C12orf50: variants seen among roughly 807,000 people sequenced by gnomAD.
C12orf50 encodes zinc finger CCCH-type containing 11D, also known as uncharacterized protein C12orf50.
C12orf50 carries 35 observed loss-of-function variants against 61.6 expected under a neutral mutation model. The observed-to-expected ratio is 0.57, with a 90% CI of 0.43 to 0.75. C12orf50 has a LOEUF of 0.75. Among genes scored for constraint, C12orf50 ranks in the 30% least tolerant of loss-of-function variants. The probability of loss-of-function intolerance (pLI) is 0.00; values close to 1 mark genes in which losing one functional copy is unlikely to be tolerated. For missense variants in C12orf50, 475 were observed against 488.5 expected (o/e 0.97, Z 0.26); for synonymous variants, 178 against 161.5 (o/e 1.10, Z -0.77).
chr12:87,991,831 A>G (rs2031136003), intron 7 of C12orf50, among the ~76,000 whole-genome samples: 1 of 152,210 alleles, frequency 6.6e-6, no homozygotes, highest in South Asian at 2.1e-4. Context: ...TGTTAATAAT[A>G]GTCCCAAACT....
chr12:87,998,472 T>C lies in C12orf50; in HGVS notation c.134-282A>G, dbSNP rs577648583. Among the ~76,000 whole-genome samples the C allele has an allele frequency of 1.7e-3, 260 of 152,202 alleles. 1 individual carries two copies. The highest frequency in any genetic ancestry group is 5.9e-3 in the African/African-American group (246 of 41,568). On this transcript the variant is annotated intron_variant, in intron 3 of 12. Transcript: ENST00000298699. ...TATTCTGAAAAAGATTCTGAAAATA[T>C]ATATATTGAAAAAGATTTTTATCTT...
intron 1 of C12orf50, chr12:88,028,023 A>C (rs1026447966): frequency 6.6e-6 from 1 of 152,218 alleles, no homozygotes; most frequent in Non-Finnish European, 1.5e-5. Flanking sequence ...TACTTAACTC[A>C]TACTCTCTGT....
At chr12:88,009,943 C>A (rs925109305) in intron 3 of C12orf50, among the ~76,000 whole-genome samples, 2 of 151,866 alleles carry the variant, frequency 1.3e-5, no homozygotes, top group African/African-American at 2.4e-5. Flanking sequence ...CAAATATTGG[C>A]CTTTTACATT....
intron 1 of C12orf50, 191 bp downstream of exon 1, chr12:88,029,149 G>GTTTTT: frequency 9.8e-7 from 1 of 1,022,838 alleles, no homozygotes; most frequent in Non-Finnish European, 1.3e-6. Context: ...TAATCCAATG[G>GTTTTT]TTTTTTTTTT....
At chr12:88,012,950 G>A (rs1046577186) in intron 3 of C12orf50, among the ~76,000 whole-genome samples, 6 of 152,200 alleles carry the variant, frequency 3.9e-5, no homozygotes, top group Middle Eastern at 3.4e-3. Context: ...TGTGGTCCCA[G>A]CTACTCAGGA....
intron 3 of C12orf50, among the ~76,000 whole-genome samples, chr12:88,005,604 A>G (rs543844184): frequency 3.0e-4 from 46 of 152,300 alleles, no homozygotes; most frequent in African/African-American, 1.1e-3. Context: ...TTCCAATCCC[A>G]AAAGAACTCT....
At chr12:88,004,050 T>G (rs1592666213) in intron 3 of C12orf50, among the ~76,000 whole-genome samples, 1 of 152,144 alleles carries the variant, frequency 6.6e-6, no homozygotes. Context: ...TGATCCCTTA[T>G]AGTATTTTTT....
rs2136403590 is a variant in C12orf50, at chr12:87,985,900, G to A, written c.1076C>T (p.Ser359Phe). The change falls in exon 11 of 13, where the codon TCC becomes TTC. Residue 359 changes from serine (S) to phenylalanine (F), a missense_variant. Physicochemically the swap from Ser to Phe is radical, Grantham distance 155. Transcript: ENST00000298699. ...CCTGTTAGCATGGACTTTATTGTAGGACCCATGCGTGGGCCTGCTGCGGGA... is the reference window on the plus strand; with the variant it reads ...CCTGTTAGCATGGACTTTATTGTAGAACCCATGCGTGGGCCTGCTGCGGGA... Reference protein sequence around the residue: ...APSRSRPTHGSYNKVHANREP... With the variant: ...APSRSRPTHGFYNKVHANREP... The A allele has an allele frequency of 1.2e-6, 2 of 1,613,632 alleles. No homozygotes were observed. Among genetic ancestry groups the A allele is most frequent in the Non-Finnish European group, 1.7e-6 (2 of 1,179,862 alleles).
chr12:88,004,267 T>C (rs541498625), intron 3 of C12orf50, among the ~76,000 whole-genome samples: 2 of 152,298 alleles, frequency 1.3e-5, no homozygotes, highest in African/African-American at 4.8e-5. Context: ...AAAGAAGACA[T>C]ATACGCAGCC....
intron 12 of C12orf50, among the ~76,000 whole-genome samples, chr12:87,980,952 C>A (rs2030434718): frequency 6.6e-6 from 1 of 152,148 alleles, no homozygotes; most frequent in African/African-American, 2.4e-5. Flanking sequence ...TGTGACCTAG[C>A]AGGAATATGT....
At chr12:87,999,262 A>G (rs2136436853) in intron 3 of C12orf50, among the ~76,000 whole-genome samples, 1 of 152,096 alleles carries the variant, frequency 6.6e-6, no homozygotes, top group Middle Eastern at 3.4e-3. Context: ...TATCTCCACA[A>G]AAAAATACAA....
chr12:88,001,529 AT>A (rs2031654413), intron 3 of C12orf50, among the ~76,000 whole-genome samples: 1 of 142,118 alleles, frequency 7.0e-6, no homozygotes, highest in African/African-American at 2.7e-5. Flanking sequence ...GTGTTGCATC[AT>A]CTTTTTTTTT....
chr12:88,000,274 G>A lies in C12orf50; in HGVS notation c.134-2084C>T, dbSNP rs543481393. 9.2e-5 allele frequency among the ~76,000 whole-genome samples: 14 copies of A among 152,002 alleles called. No homozygotes were observed. The East Asian group carries it at 1.9e-3, about 21-fold the overall frequency. On this transcript the variant is annotated intron_variant, in intron 3 of 12. Transcript: ENST00000298699. ...TCTAGTTGTCTTAGCACCATTTGTC[G>A]AAAATACTATTCTTTTCCCCATTGA... is the stretch of plus-strand genomic sequence containing the variant.
chr12:88,018,206 A>G (rs1289939871), intron 3 of C12orf50, among the ~76,000 whole-genome samples: 1 of 152,214 alleles, frequency 6.6e-6, no homozygotes, highest in Non-Finnish European at 1.5e-5. Flanking sequence ...TGCTGTGTGC[A>G]GCCTATGGAC....
At chr12:88,008,251 G>C (rs964754900) in intron 3 of C12orf50, among the ~76,000 whole-genome samples, 1 of 152,000 alleles carries the variant, frequency 6.6e-6, no homozygotes, top group Non-Finnish European at 1.5e-5. Flanking sequence ...AGTGTGTGTT[G>C]TTCTCCTCTA....
chr12:88,018,225 C>G (rs1340951645), intron 3 of C12orf50, among the ~76,000 whole-genome samples: 3 of 152,214 alleles, frequency 2.0e-5, no homozygotes, highest in Non-Finnish European at 4.4e-5. Flanking sequence ...ACTTGGTGCC[C>G]TGTGTCCCAG....
chr12:88,005,150 A>G (rs1055589573), intron 3 of C12orf50, among the ~76,000 whole-genome samples: 2 of 152,048 alleles, frequency 1.3e-5, no homozygotes, highest in Non-Finnish European at 2.9e-5. Context: ...GTTTCTTTGC[A>G]TGTCTTATAA....
In C12orf50 at chr12:87,987,883, T is replaced by C. The variant is rs149784432; in HGVS notation, c.784A>G (p.Ile262Val). 58 of 1,608,980 alleles carry C rather than the reference T, an allele frequency of 3.6e-5. No individual in the cohort carries two copies. The African/African-American group carries it at 4.9e-4, about 14-fold the overall frequency. The change falls in exon 9 of 13, where the codon ATC becomes GTC. Residue 262 changes from isoleucine to valine, a missense_variant. Coordinates refer to ENST00000298699, the MANE Select transcript of C12orf50 (RefSeq NM_152589.3). ...GGGTCCTCTCTGCACTTCATACTGATATTCTCAGTAGCATTTAATACATGC... is the reference window on the plus strand; with the variant it reads ...GGGTCCTCTCTGCACTTCATACTGACATTCTCAGTAGCATTTAATACATGC... ...TTHVLNATENISMKCREDPSS... is the reference protein window; with the variant it reads ...TTHVLNATENVSMKCREDPSS...
chr12:88,003,589 C>A (rs1359061699), intron 3 of C12orf50, among the ~76,000 whole-genome samples: 1 of 151,986 alleles, frequency 6.6e-6, no homozygotes, highest in Non-Finnish European at 1.5e-5. Context: ...GTTTTCTGGA[C>A]AAAGATTCTC....
Sources: allele counts gnomAD v4.1 joint callset (sites outside exome capture counted in the v4.1 genomes callset), GRCh38; gene constraint gnomAD v4.1.1; transcripts MANE v1.5; gene names NCBI Gene and HGNC (gene_info 2026-07-23, HGNC 2026-07-21).